AIG1: variants seen among roughly 807,000 people sequenced by gnomAD.
AIG1 encodes androgen-induced gene 1 protein.
A neutral mutation model predicts 31.4 loss-of-function variants in AIG1; 23 were observed. The observed-to-expected ratio is 0.73, with a 90% CI of 0.53 to 1.04. The LOEUF is 1.04. AIG1 is among the 50% of genes least tolerant of loss of function. The pLI is 0.00. For synonymous variants in AIG1, 100 were observed against 110.5 expected (o/e 0.90, Z 0.60); for missense variants, 274 against 295.0 (o/e 0.93, Z 0.52).
At chr6:143,105,054 C>T (rs1198210696) in intron 1 of AIG1, among the ~76,000 whole-genome samples, 1 of 152,118 alleles carries the variant, frequency 6.6e-6, no homozygotes, top group East Asian at 1.9e-4. Context: ...CATGATTCCT[C>T]CCAGCTCATT....
At chr6:143,335,802 A>G (rs1339310988) in intron 5 of AIG1, among the ~76,000 whole-genome samples, 1 of 151,930 alleles carries the variant, frequency 6.6e-6, no homozygotes, top group East Asian at 1.9e-4. Flanking sequence ...TAAACATACA[A>G]AAATGAGCCG....
Position 143,288,008 on chromosome 6 carries a change from G to A in AIG1, c.515+3783G>A, listed in dbSNP as rs1334851262. ...ATTAGGAAATCTTACAGGGGTGCTG[G>A]GTAACACAGGGAGCTTTAAGATCAT... On this transcript the variant is annotated intron_variant, in intron 4 of 5. Coordinates refer to ENST00000357847, the MANE Select transcript of AIG1 (RefSeq NM_016108.4). This position sits in a 1 kb window ranked among gnomAD's most constrained non-coding sequence, Gnocchi z 4.4. Among the ~76,000 whole-genome samples the A allele has an allele frequency of 6.6e-6, 1 of 151,962 alleles. No individual in the cohort carries two copies. Among genetic ancestry groups the A allele is most frequent in the Non-Finnish European group, 1.5e-5 (1 of 67,986 alleles).
intron 3 of AIG1, among the ~76,000 whole-genome samples, chr6:143,260,928 T>G (rs962600042): frequency 6.6e-6 from 1 of 152,128 alleles, no homozygotes; most frequent in African/African-American, 2.4e-5. Context: ...ATCCCTTTGC[T>G]CATTAAAATT....
chr6:143,254,572 T>C (rs912169053), intron 3 of AIG1, among the ~76,000 whole-genome samples: 3 of 152,176 alleles, frequency 2.0e-5, no homozygotes, highest in Non-Finnish European at 2.9e-5. Flanking sequence ...TATTGACTCA[T>C]GGACTATTGA....
intron 2 of AIG1, among the ~76,000 whole-genome samples, chr6:143,163,747 C>T (rs1934329684): frequency 6.6e-6 from 1 of 152,184 alleles, no homozygotes; most frequent in South Asian, 2.1e-4. Flanking sequence ...GGGAAGAATG[C>T]TTAATCTGTG....
intron 4 of AIG1, among the ~76,000 whole-genome samples, chr6:143,302,005 C>T (rs536864064): frequency 9.2e-5 from 14 of 152,096 alleles, no homozygotes; most frequent in East Asian, 5.8e-4. Flanking sequence ...AATAACCCTC[C>T]GTTGTCTTAT....
chr6:143,243,740 A>G (rs1452435642), intron 3 of AIG1, among the ~76,000 whole-genome samples: 1 of 152,262 alleles, frequency 6.6e-6, no homozygotes, highest in Non-Finnish European at 1.5e-5. Context: ...CCACCTGGTT[A>G]TGGTTCAGAA....
At chr6:143,135,859 T>A (rs1316640592) in intron 1 of AIG1, among the ~76,000 whole-genome samples, 1 of 152,188 alleles carries the variant, frequency 6.6e-6, no homozygotes, top group East Asian at 1.9e-4. Flanking sequence ...AGATATCATC[T>A]GTAAACTATT....
intron 3 of AIG1, among the ~76,000 whole-genome samples, chr6:143,218,147 C>G (rs770863063): frequency 1.5e-4 from 23 of 152,222 alleles, no homozygotes; most frequent in Non-Finnish European, 2.9e-4. Flanking sequence ...TTAACTTATA[C>G]TGACTGTTAA....
intron 4 of AIG1, among the ~76,000 whole-genome samples, chr6:143,318,053 G>A (rs146093126): frequency 0.081 from 12,362 of 152,092 alleles, 901 homozygotes; most frequent in Admixed American, 0.24. Context: ...AATCAATATC[G>A]TGAAAATGAC....
chr6:143,278,464 CTTTTTTTT>C (rs1008735692), intron 3 of AIG1, among the ~76,000 whole-genome samples: 44 of 135,918 alleles, frequency 3.2e-4, no homozygotes, highest in African/African-American at 1.2e-3. Context: ...TTTTTCTTTT[CTTTTTTTT>C]TTTTTTTTCT....
chr6:143,215,426 CA>C (rs914998082), intron 3 of AIG1, among the ~76,000 whole-genome samples: 2 of 152,040 alleles, frequency 1.3e-5, no homozygotes, highest in African/African-American at 4.8e-5. Flanking sequence ...AACAATAAAA[CA>C]CACAAACAAA....
chr6:143,289,031 T>C (rs574371582), intron 4 of AIG1, among the ~76,000 whole-genome samples: 2 of 152,170 alleles, frequency 1.3e-5, no homozygotes, highest in Non-Finnish European at 1.5e-5. Context: ...GTTCTTGTTA[T>C]GTAGATGAAG....
chr6:143,138,519 C>T (rs529337724), intron 2 of AIG1, among the ~76,000 whole-genome samples: 67 of 151,842 alleles, frequency 4.4e-4, no homozygotes, highest in Middle Eastern at 6.8e-3. Context: ...TCTTTTTTAA[C>T]GTCTACTCCC....
rs148734698 is a variant in AIG1 at position 143,171,687 on chromosome 6, T to C, written c.399+6504T>C. Among the ~76,000 whole-genome samples, 120 of 151,134 alleles carry C rather than the reference T, an allele frequency of 7.9e-4. 3 individuals are homozygous for C. The East Asian group carries it at 0.023, about 29-fold the overall frequency. On this transcript the variant is annotated intron_variant, in intron 3 of 5. Transcript: ENST00000357847. Reference sequence around the variant, plus strand: ...ATATAACAACTTCTTTTCCTCTGAGTAGATACCCGGGAGTGGGATTTCTGT... The same window carrying C: ...ATATAACAACTTCTTTTCCTCTGAGCAGATACCCGGGAGTGGGATTTCTGT...
Position 143,236,674 on chromosome 6 carries a change from C to T in AIG1, c.400-47436C>T, listed in dbSNP as rs1367941537. On this transcript the variant is annotated intron_variant, in intron 3 of 5. Coordinates refer to ENST00000357847, the MANE Select transcript of AIG1 (RefSeq NM_016108.4). ...AGTAGGCTCCAGTCCTTTGTGTCACCGTGCCATCTGCTTAGCTTTTTTCCT... is the reference window on the plus strand; with the variant it reads ...AGTAGGCTCCAGTCCTTTGTGTCACTGTGCCATCTGCTTAGCTTTTTTCCT... 6.6e-5 allele frequency among the ~76,000 whole-genome samples: 10 copies of T among 152,108 alleles called. No homozygotes were observed. The East Asian group carries it at 1.5e-3, about 23-fold the overall frequency.
At chr6:143,222,312 G>A (rs1792583804) in intron 3 of AIG1, among the ~76,000 whole-genome samples, 1 of 152,148 alleles carries the variant, frequency 6.6e-6, no homozygotes, top group Non-Finnish European at 1.5e-5. Context: ...CTCACTAGTA[G>A]GTGAAGCCAT....
chr6:143,243,469 G>A (rs1373743237), intron 3 of AIG1, among the ~76,000 whole-genome samples: 2 of 152,118 alleles, frequency 1.3e-5, no homozygotes, highest in African/African-American at 4.8e-5. Flanking sequence ...TGGAACCCTA[G>A]CCTTTTATTT....
intron 4 of AIG1, among the ~76,000 whole-genome samples, chr6:143,303,891 T>G (rs931038691): frequency 4.4e-4 from 66 of 148,390 alleles, no homozygotes; most frequent in Non-Finnish European, 8.6e-4. Context: ...TTGTATCCTC[T>G]TTTATTTCAT....
Sources: gnomAD v4.1 joint callset for allele counts (sites outside exome capture counted in the v4.1 genomes callset) on GRCh38, gnomAD v4.1.1 for gene constraint, Gnocchi (gnomAD v3.1) non-coding constraint, MANE v1.5 for transcripts, NCBI Gene and HGNC (gene_info 2026-07-23, HGNC 2026-07-21) for gene names.